POU1F1: variants seen among roughly 807,000 people sequenced by gnomAD.
The protein encoded by POU1F1 is pituitary-specific positive transcription factor 1.
POU1F1 carries 23 observed loss-of-function variants against 32.3 expected under a neutral mutation model. The observed-to-expected ratio is 0.71, with a 90% CI of 0.51 to 1.01. The LOEUF (loss-of-function observed/expected upper bound fraction) is 1.01. Ranked by LOEUF, POU1F1 falls within the 50% of genes least tolerant of loss-of-function variation. The pLI is 0.00. For missense variants in POU1F1, 323 were observed against 341.6 expected, an observed-to-expected ratio of 0.95 and a Z score of 0.43; for synonymous variants, 120 against 115.6, an observed-to-expected ratio of 1.04 and a Z score of -0.25.
intron 2 of POU1F1, among the ~76,000 whole-genome samples, chr3:87,272,972 T>C (rs969590963): frequency 5.4e-4 from 82 of 152,170 alleles, no homozygotes; most frequent in African/African-American, 2.0e-3. Flanking sequence ...TCTTGTTTTA[T>C]TTTACCTAGT....
Position 87,262,151 on chromosome 3 carries a change from T to C in POU1F1, c.524A>G (p.Asn175Ser). Residue 175 changes from asparagine to serine, a missense_variant, in exon 4 of 6, where the codon AAT (asparagine) becomes AGT (serine). Asn to Ser is a conservative substitution (Grantham distance 46). Transcript: ENST00000350375. ...FSQTTICRFE[N>S]LQLSFKNACK... ...TGCATTTTTAAAGCTGAGCTGCAGA[T>C]TTTCAAATCGGCAGATTGTTGTTTG... The C allele has an allele frequency of 3.1e-6, 5 of 1,614,136 alleles. No individual in the cohort carries two copies. The highest frequency in any genetic ancestry group is 4.2e-6 in the Non-Finnish European group (5 of 1,180,004).
At chr3:87,274,913 T>C (rs1275299174) in intron 1 of POU1F1, among the ~76,000 whole-genome samples, 2 of 151,954 alleles carry the variant, frequency 1.3e-5, no homozygotes, top group Non-Finnish European at 2.9e-5. Context: ...AAATAAATTG[T>C]TACTTATTTT....
chr3:87,260,168 AAATT>A (rs1706483335), intron 5 of POU1F1, 64 bp from the exon 6 acceptor site: 1 of 1,302,108 alleles, frequency 7.7e-7, no homozygotes, highest in East Asian at 2.5e-5. Context: ...TGGCAGCTCA[AAATT>A]AAGGTAGGTT....
chr3:87,275,624 G>A lies in POU1F1; in HGVS notation c.142+697C>T, dbSNP rs564079655. Among the ~76,000 whole-genome samples, 5 of 152,204 alleles carry A rather than the reference G, an allele frequency of 3.3e-5. 1 individual carries two copies. The South Asian group carries it at 8.3e-4, about 25-fold the overall frequency. On this transcript the variant is annotated intron_variant, in intron 1 of 5. Coordinates refer to ENST00000350375, the MANE Select transcript of POU1F1 (RefSeq NM_000306.4). Reference sequence around the variant, plus strand: ...ACTGGCAAAACATATGTATTTGGCTGATTGTGTTGAGCCTGTGAATTCTTA... The same window carrying A: ...ACTGGCAAAACATATGTATTTGGCTAATTGTGTTGAGCCTGTGAATTCTTA...
chr3:87,263,471 G>A (rs1019662932), intron 3 of POU1F1, among the ~76,000 whole-genome samples: 5 of 152,028 alleles, frequency 3.3e-5, no homozygotes, highest in Admixed American at 3.3e-4. Context: ...AACTCATGCC[G>A]TTTTGGAGTT....
At position 87,274,584 on chromosome 3, in the gene POU1F1, G is replaced by A. The variant is rs575564472; in HGVS notation, c.143-1166C>T. ...ATACATTTTTATTTTATAATTAATA[G>A]CTCAAAAGAACTAAAGTCATTTTGC... On this transcript the variant is annotated intron_variant, in intron 1 of 5. Coordinates refer to ENST00000350375, the MANE Select transcript of POU1F1 (RefSeq NM_000306.4). Among the ~76,000 whole-genome samples the A allele has an allele frequency of 4.6e-5, 7 of 151,244 alleles. 1 individual carries two copies. The highest frequency in any genetic ancestry group is 2.1e-4 in the South Asian group (1 of 4,776).
Position 87,276,373 on chromosome 3 carries a change from A to T in POU1F1, c.90T>A (p.Ser30Arg), listed in dbSNP as rs543096490. The T allele has an allele frequency of 5.6e-5, 91 of 1,614,042 alleles. No homozygotes were observed. The highest frequency in any genetic ancestry group is 1.5e-4 in the Admixed American group (9 of 60,004). ...SATLPLIMHH[S>R]AAECLPVSNH... ...TGGAGACTGGTAGACACTCGGCAGC[A>T]CTGTGATGCATTATCAGAGGCAGAG... Residue 30 changes from serine (S) to arginine (R), a missense_variant, in exon 1 of 6, where the codon AGT becomes AGA. By Grantham distance (110) the Ser-to-Arg change is moderately radical. Transcript: ENST00000350375.
At chr3:87,266,798 A>G (rs1706629556) in intron 2 of POU1F1, among the ~76,000 whole-genome samples, 1 of 152,102 alleles carries the variant, frequency 6.6e-6, no homozygotes, top group South Asian at 2.1e-4. Context: ...GATGTAAAAG[A>G]AAATTGATGA....
At chr3:87,273,008 C>G (rs943636130) in intron 2 of POU1F1, among the ~76,000 whole-genome samples, 1 of 152,054 alleles carries the variant, frequency 6.6e-6, no homozygotes, top group African/African-American at 2.4e-5. Flanking sequence ...AATAGCCACA[C>G]GTGTCTAGTA....
chr3:87,264,419 G>A lies in POU1F1; in HGVS notation c.308C>T (p.Thr103Ile), dbSNP rs1559615633. The A allele has an allele frequency of 1.9e-6, 3 of 1,613,598 alleles. No individual in the cohort carries two copies. The highest frequency in any genetic ancestry group is 1.3e-5 in the African/African-American group (1 of 74,918). ...GAGTTCCTGCTTGAAATCAGCAGCT[G>A]TGGGGTCCTCTGCCAGAAGAGGCTG... is the stretch of plus-strand genomic sequence containing the variant. ...IHQPLLAEDP[T>I]AADFKQELRR... The change falls in exon 3 of 6, where the codon ACA becomes ATA. Residue 103 changes from threonine (T) to isoleucine (I), a missense_variant. By Grantham distance (89) the Thr-to-Ile change is moderately conservative. Transcript: ENST00000350375.
Position 87,273,392 on chromosome 3 carries a change from A to G in POU1F1, c.169T>C (p.Ser57Pro). The change falls in exon 2 of 6, where the codon TCC becomes CCC. Residue 57 changes from serine (S) to proline (P), a missense_variant. Ser to Pro is a moderately conservative substitution (Grantham distance 74, BLOSUM62 -1). Transcript: ENST00000350375. ...TATGLHYSVP[S>P]CHYGNQPSTY... ...GATGGCTGGTTTCCATAATGACAGG[A>G]AGGAACAGAATAATGAAGTCCTGTT... 2 of 1,612,916 alleles carry G rather than the reference A, an allele frequency of 1.2e-6. No individual in the cohort carries two copies. The highest frequency in any genetic ancestry group is 1.7e-6 in the Non-Finnish European group (2 of 1,179,184).
chr3:87,272,749 A>C (rs936410582), intron 2 of POU1F1, among the ~76,000 whole-genome samples: 7 of 152,194 alleles, frequency 4.6e-5, no homozygotes, highest in Non-Finnish European at 1.5e-5. Flanking sequence ...AGGGCTGCTA[A>C]AGCCTGAAAC....
Position 87,273,421 on chromosome 3 carries a change from G to A in POU1F1, c.143-3C>T. On this transcript the variant is annotated splice_polypyrimidine_tract_variant and splice_region_variant and intron_variant, in intron 1 of 5. Transcript: ENST00000350375. ...AACAGAATAATGAAGTCCTGTTGCT[G>A]TGTTTCCCAACGTTGTCACCGAGAA... is the stretch of plus-strand genomic sequence containing the variant. 6.2e-7 allele frequency: 1 copy of A among 1,611,922 alleles called. No individual in the cohort carries two copies. Among genetic ancestry groups the A allele is most frequent in the Admixed American group, 1.7e-5 (1 of 59,828 alleles).
At chr3:87,265,307 A>G (rs1273761775) in intron 2 of POU1F1, among the ~76,000 whole-genome samples, 2 of 152,226 alleles carry the variant, frequency 1.3e-5, no homozygotes, top group East Asian at 1.9e-4. Context: ...TTTATATATG[A>G]TAAGTGATTA....
At chr3:87,261,367 C>T in intron 4 of POU1F1, 34 bp from the exon 5 acceptor site, 1 of 1,472,420 alleles carries the variant, frequency 6.8e-7, no homozygotes, top group Non-Finnish European at 9.4e-7. Flanking sequence ...ATTACAAACA[C>T]AAAGTAGACT....
chr3:87,275,615 T>C (rs1285423460), intron 1 of POU1F1, among the ~76,000 whole-genome samples: 1 of 152,126 alleles, frequency 6.6e-6, no homozygotes, highest in Non-Finnish European at 1.5e-5. Flanking sequence ...AAAACATATG[T>C]ATTTGGCTGA....
At chr3:87,276,228 A>T in intron 1 of POU1F1, 93 bp downstream of exon 1, 1 of 1,473,434 alleles carries the variant, frequency 6.8e-7, no homozygotes, top group Non-Finnish European at 9.5e-7. Flanking sequence ...GTAAAATGAA[A>T]GATGCAAAGA....
In POU1F1 at chr3:87,276,527, C is replaced by T. The variant is rs1706831439; in HGVS notation, c.-65G>A. On this transcript the variant is annotated 5_prime_UTR_variant, in exon 1 of 6. Coordinates refer to ENST00000350375, the MANE Select transcript of POU1F1 (RefSeq NM_000306.4). ...CCCAAATCAGAGTTTTATTATATTA[C>T]TGTCTCAAAGGGCCGATTCAATTCT... 2 of 1,567,104 alleles carry T rather than the reference C, an allele frequency of 1.3e-6. No individual in the cohort carries two copies. The highest frequency in any genetic ancestry group is 2.7e-5 in the African/African-American group (2 of 73,714).
chr3:87,259,911 G>A lies in POU1F1; in HGVS notation c.859C>T (p.His287Tyr), dbSNP rs757994529. 1 of 1,613,784 alleles carries A rather than the reference G, an allele frequency of 6.2e-7. No homozygotes were observed. The highest frequency in any genetic ancestry group is 1.1e-5 in the South Asian group (1 of 91,060). ...NQSLFSISKEHLECR is the reference protein window; with the variant it reads ...NQSLFSISKEYLECR ...GAAAAATCTTATCTGCACTCAAGAT[G>A]TTCCTTAGAAATAGAAAATAAACTC... Residue 287 changes from histidine (H) to tyrosine (Y), a missense_variant, in exon 6 of 6, where the codon CAT (histidine) becomes TAT (tyrosine). Coordinates refer to ENST00000350375, the MANE Select transcript of POU1F1 (RefSeq NM_000306.4).
Sources: gnomAD v4.1 joint callset for allele counts (sites outside exome capture counted in the v4.1 genomes callset) on GRCh38, gnomAD v4.1.1 for gene constraint, MANE v1.5 for transcripts, NCBI Gene and HGNC (gene_info 2026-07-23, HGNC 2026-07-21) for gene names.